The following FGF10 variants were observed in gnomAD, a reference collection of about 807,000 sequenced individuals.
The protein encoded by FGF10 is fibroblast growth factor 10.
Under a neutral mutation model 19.8 loss-of-function variants are expected in FGF10, and 2 were observed. The ratio of observed to expected loss-of-function variants is 0.10; its 90% CI spans 0.04 to 0.32. FGF10 has a LOEUF of 0.32. Among genes scored for constraint, FGF10 ranks in the 10% least tolerant of loss-of-function variants. The pLI, the probability that FGF10 is intolerant of heterozygous loss-of-function variation, is 1.00. For missense variants in FGF10, 191 were observed against 246.3 expected (o/e 0.78, Z 1.50); for synonymous variants, 112 against 94.0 (o/e 1.19, Z -1.10).
At position 44,382,929 on chromosome 5, in the gene FGF10, T is replaced by G. The variant is rs1040209869; in HGVS notation, c.325+5429A>C. The stretch of plus-strand genomic sequence containing the variant: ...ACTAAAAATGTCATCTGAATTACTC[T>G]TCATTGCAAAGTTCACAGAATTAAT... On this transcript the variant is annotated intron_variant, in intron 1 of 2. Transcript: ENST00000264664. Among the ~76,000 whole-genome samples, 5 of 152,244 alleles carry G rather than the reference T, an allele frequency of 3.3e-5. No homozygotes were observed. In the East Asian group the frequency reaches 9.6e-4, roughly 29 times the overall value.
At chr5:44,349,451 T>TATATATATATATATATATATCAAA (rs1741178685) in intron 1 of FGF10, among the ~76,000 whole-genome samples, 1 of 16,696 alleles carries the variant, frequency 6.0e-5, no homozygotes, top group Non-Finnish European at 1.6e-4. Context: ...TATATATATA[T>TATATATATATATATATATATCAAA]ATATATATAT....
At position 44,305,138 on chromosome 5, in the gene FGF10, T is replaced by C; in HGVS notation, c.484A>G (p.Asn162Asp). 6.2e-7 allele frequency: 1 copy of C among 1,613,976 alleles called. No individual in the cohort carries two copies. Among genetic ancestry groups the C allele is most frequent in the Non-Finnish European group, 8.5e-7 (1 of 1,179,884 alleles). ...TGCCAGTTAAATGATGCATAGGTAT[T>C]GTATCCATTTTCCTCTATCCTCTCC... Reference protein sequence around the residue: ...LKERIEENGYNTYASFNWQHN... With the variant: ...LKERIEENGYDTYASFNWQHN... The change falls in exon 3 of 3, where the codon AAT becomes GAT. Residue 162 changes from asparagine (N) to aspartate (D), a missense_variant. Physicochemically the swap from Asn to Asp is conservative, Grantham distance 23. This residue lies in a region of FGF10 where 99 missense variants were observed against 161.7 expected (regional missense o/e 0.61). Coordinates refer to ENST00000264664, the MANE Select transcript of FGF10 (RefSeq NM_004465.2).
intron 1 of FGF10, among the ~76,000 whole-genome samples, chr5:44,369,090 T>A (rs1357749265): frequency 1.3e-5 from 2 of 152,140 alleles, no homozygotes; most frequent in Non-Finnish European, 2.9e-5. Flanking sequence ...TATAAAGAAA[T>A]GTCACTTACA....
intron 1 of FGF10, among the ~76,000 whole-genome samples, chr5:44,358,363 G>A (rs1434433885): frequency 6.6e-6 from 1 of 151,434 alleles, no homozygotes; most frequent in Admixed American, 6.6e-5. Context: ...ATTAAGAATT[G>A]TTCTTAGACA....
chr5:44,368,145 AG>A (rs1404020950), intron 1 of FGF10, among the ~76,000 whole-genome samples: 2 of 152,102 alleles, frequency 1.3e-5, no homozygotes, highest in Non-Finnish European at 2.9e-5. Context: ...ATTCAATCAG[AG>A]TGCCAGTCAC....
chr5:44,311,894 G>A (rs1740218281), intron 1 of FGF10, among the ~76,000 whole-genome samples: 1 of 152,066 alleles, frequency 6.6e-6, no homozygotes, highest in Non-Finnish European at 1.5e-5. Context: ...ATTCTCGAGA[G>A]ATGAATACCT....
chr5:44,334,616 T>G (rs1247024676), intron 1 of FGF10, among the ~76,000 whole-genome samples: 1 of 152,132 alleles, frequency 6.6e-6, no homozygotes, highest in East Asian at 1.9e-4. Flanking sequence ...ACAATAAATG[T>G]CCTAATGGTT....
chr5:44,311,157 A>G (rs1350132423), intron 1 of FGF10, among the ~76,000 whole-genome samples: 2 of 152,044 alleles, frequency 1.3e-5, no homozygotes, highest in African/African-American at 4.8e-5. Flanking sequence ...GGGAAAATCC[A>G]TAAACATGGA....
intron 1 of FGF10, among the ~76,000 whole-genome samples, chr5:44,323,998 C>CCTAT (rs1740556085): frequency 1.3e-5 from 2 of 150,938 alleles, no homozygotes; most frequent in African/African-American, 4.9e-5. Flanking sequence ...AATGTATATC[C>CCTAT]CTATCTATCT....
At chr5:44,365,051 T>A (rs181402064) in intron 1 of FGF10, among the ~76,000 whole-genome samples, 1 of 151,910 alleles carries the variant, frequency 6.6e-6, no homozygotes, top group Non-Finnish European at 1.5e-5. Flanking sequence ...TACTGTCAAG[T>A]TTCCAATTAT....
chr5:44,355,320 T>C (rs1741321865), intron 1 of FGF10, among the ~76,000 whole-genome samples: 1 of 151,332 alleles, frequency 6.6e-6, no homozygotes, highest in South Asian at 2.1e-4. Context: ...AGTCAAATTA[T>C]ATTCCCTTTG....
chr5:44,325,057 AG>A (rs1330604904), intron 1 of FGF10, among the ~76,000 whole-genome samples: 1 of 152,218 alleles, frequency 6.6e-6, no homozygotes, highest in Non-Finnish European at 1.5e-5. Flanking sequence ...CATCAAATTT[AG>A]TGTCATAATA....
chr5:44,369,994 G>A (rs1196935449), intron 1 of FGF10, among the ~76,000 whole-genome samples: 1 of 151,928 alleles, frequency 6.6e-6, no homozygotes, highest in African/African-American at 2.4e-5. Flanking sequence ...TTAAAGTTCA[G>A]ATTTCTATGT....
rs1366407803 is a variant in FGF10 at position 44,303,289 on chromosome 5, T to C, written c.*1706A>G. Among the ~76,000 whole-genome samples, 1 of 152,138 alleles carries C rather than the reference T, an allele frequency of 6.6e-6. No individual in the cohort carries two copies. ...AGATTAACTGGAAGTGCTGGTTAAG[T>C]ATTGACACAAATAAGTTTGTTGGAG... On this transcript the variant is annotated 3_prime_UTR_variant, in exon 3 of 3. Coordinates refer to ENST00000264664, the MANE Select transcript of FGF10 (RefSeq NM_004465.2).
intron 1 of FGF10, among the ~76,000 whole-genome samples, chr5:44,375,529 G>A (rs1273445607): frequency 6.6e-6 from 1 of 152,160 alleles, no homozygotes; most frequent in African/African-American, 2.4e-5. Context: ...TAACAAACGA[G>A]GCCAGGGAGT....
At chr5:44,329,558 CT>C (rs553252611) in intron 1 of FGF10, among the ~76,000 whole-genome samples, 1,581 of 152,226 alleles carry the variant, frequency 0.01, 15 homozygotes, top group Admixed American at 0.016. Flanking sequence ...GCATCACTAT[CT>C]GCTATTTCAT....
At chr5:44,373,870 A>G (rs1741798046) in intron 1 of FGF10, among the ~76,000 whole-genome samples, 1 of 152,226 alleles carries the variant, frequency 6.6e-6, no homozygotes, top group African/African-American at 2.4e-5. Flanking sequence ...GCTTATGTCC[A>G]CTGTCCACGT....
intron 1 of FGF10, among the ~76,000 whole-genome samples, chr5:44,319,672 C>G (rs1437649195): frequency 6.6e-6 from 1 of 152,048 alleles, no homozygotes; most frequent in African/African-American, 2.4e-5. Context: ...AGATTATTTC[C>G]ATGATTACTT....
rs141238139 is a variant in FGF10, at chr5:44,331,689, G to A, written c.326-21159C>T. 3.2e-3 allele frequency among the ~76,000 whole-genome samples: 488 copies of A among 152,090 alleles called. 3 individuals carry two copies. The highest frequency in any genetic ancestry group is 0.012 in the South Asian group (59 of 4,810). On this transcript the variant is annotated intron_variant, in intron 1 of 2. Transcript: ENST00000264664. Reference sequence around the variant, plus strand: ...CAGCTCAGTTTTCATCACCTTTTGTGTCTCTGAGTCTGACACAATGTTGTT... The same window carrying A: ...CAGCTCAGTTTTCATCACCTTTTGTATCTCTGAGTCTGACACAATGTTGTT...
Sources: gnomAD v4.1 joint callset for allele counts (sites outside exome capture counted in the v4.1 genomes callset) on GRCh38, gnomAD v4.1.1 for gene constraint, gnomAD v4.1.1 regional missense constraint, MANE v1.5 for transcripts, NCBI Gene and HGNC (gene_info 2026-07-23, HGNC 2026-07-21) for gene names.